BASP1: variants seen among roughly 807,000 people sequenced by gnomAD.
BASP1 encodes brain abundant membrane attached signal protein 1, also known as brain acid soluble protein 1.
A neutral mutation model predicts 2.2 loss-of-function variants in BASP1; 1 was observed. The observed-to-expected ratio is 0.46, with a 90% confidence interval of 0.16 to 2.17. The LOEUF (loss-of-function observed/expected upper bound fraction) is 2.17. BASP1 is among the 30% of genes most tolerant of loss of function. The pLI is 0.27. For synonymous variants in BASP1, 187 were observed against 154.2 expected, an observed-to-expected ratio of 1.21 and a Z score of -1.58; for missense variants, 352 against 327.2, an observed-to-expected ratio of 1.08 and a Z score of -0.58.
intron 1 of BASP1, among the ~76,000 whole-genome samples, chr5:17,271,341 T>C (rs1223614880): frequency 6.6e-6 from 1 of 152,132 alleles, no homozygotes; most frequent in Non-Finnish European, 1.5e-5. Flanking sequence ...AGGTTGATCT[T>C]GAACTCCTGA....
chr5:17,259,187 G>A (rs1420789864), intron 1 of BASP1, among the ~76,000 whole-genome samples: 1 of 152,164 alleles, frequency 6.6e-6, no homozygotes, highest in East Asian at 1.9e-4. Context: ...TTACATGGAT[G>A]GTGGCAGGCA....
intron 1 of BASP1, among the ~76,000 whole-genome samples, chr5:17,219,102 C>G (rs767621294): frequency 2.0e-5 from 3 of 152,018 alleles, no homozygotes; most frequent in Non-Finnish European, 4.4e-5. Context: ...GGACCGACCC[C>G]CCACCCCCAC....
At chr5:17,247,385 A>G (rs965461050) in intron 1 of BASP1, among the ~76,000 whole-genome samples, 7 of 152,200 alleles carry the variant, frequency 4.6e-5, no homozygotes, top group African/African-American at 9.6e-5. Flanking sequence ...TATAAAGGAC[A>G]TGGATCCTGA....
chr5:17,262,629 T>C (rs1740336216), intron 1 of BASP1, among the ~76,000 whole-genome samples: 1 of 152,258 alleles, frequency 6.6e-6, no homozygotes. Context: ...TCTCAGACTC[T>C]ACCTTCTCTA....
At chr5:17,234,553 A>G (rs1440050333) in intron 1 of BASP1, among the ~76,000 whole-genome samples, 2 of 152,220 alleles carry the variant, frequency 1.3e-5, no homozygotes, top group South Asian at 4.1e-4. Flanking sequence ...GTTTTTTTGT[A>G]TACAAATGAA....
chr5:17,276,598 TGCACCTGTAGTTCTGTTTATTGGTCA>T lies in BASP1; in HGVS notation c.*700_*725del, dbSNP rs1337220478. 2 of 149,318 alleles carry T rather than the reference TGCACCTGTAGTTCTGTTTATTGGTCA, an allele frequency of 1.3e-5. No individual in the cohort carries two copies. The highest frequency in any genetic ancestry group is 5.7e-5 in the African/African-American group (2 of 35,396). The allele number at this position is 149,318 out of a possible 1,614,324, so 9.2% of individuals were successfully genotyped here. Reference sequence around the variant, plus strand: ...GAGTTAATGCATGTCCGTGGTTGGGTGCACCTGTAGTTCTGTTTATTGGTCAGTGGAAATGAAAAAAAAAAAAAAAA... The same window carrying T: ...GAGTTAATGCATGTCCGTGGTTGGGTGTGGAAATGAAAAAAAAAAAAAAAA... On this transcript the variant is annotated 3_prime_UTR_variant, in exon 2 of 2. Transcript: ENST00000322611.
intron 1 of BASP1, among the ~76,000 whole-genome samples, chr5:17,218,704 G>C (rs528789907): frequency 6.6e-6 from 1 of 152,212 alleles, no homozygotes; most frequent in East Asian, 1.9e-4. Flanking sequence ...TGCCCAAAGC[G>C]CTAAAGCTGA....
intron 1 of BASP1, among the ~76,000 whole-genome samples, chr5:17,223,515 G>T (rs1421566447): frequency 2.0e-5 from 3 of 152,206 alleles, no homozygotes; most frequent in Admixed American, 2.0e-4. Flanking sequence ...GAAGTCTGCG[G>T]TTTAGAAAAC....
chr5:17,270,397 C>A (rs1410336455), intron 1 of BASP1, among the ~76,000 whole-genome samples: 1 of 152,270 alleles, frequency 6.6e-6, no homozygotes. Flanking sequence ...AAACTGATTT[C>A]TTGGCAGAAT....
At chr5:17,235,398 T>C (rs1035703948) in intron 1 of BASP1, among the ~76,000 whole-genome samples, 2 of 151,690 alleles carry the variant, frequency 1.3e-5, no homozygotes, top group Non-Finnish European at 2.9e-5. Flanking sequence ...GTAGCTGGGA[T>C]TACAGGTGCC....
intron 1 of BASP1, among the ~76,000 whole-genome samples, chr5:17,235,553 C>T (rs1274907124): frequency 3.3e-5 from 5 of 152,108 alleles, no homozygotes; most frequent in African/African-American, 9.7e-5. Flanking sequence ...TGAGCCACCA[C>T]GCCTGGCCTG....
At chr5:17,259,708 C>G (rs572334702) in intron 1 of BASP1, among the ~76,000 whole-genome samples, 9 of 152,264 alleles carry the variant, frequency 5.9e-5, no homozygotes, top group African/African-American at 2.2e-4. Context: ...ACAGGAACTA[C>G]TGGAAATAAA....
rs12655898 is a variant in BASP1, at chr5:17,259,402, A to G, written c.-9-15806A>G. Among the ~76,000 whole-genome samples, 369 of 152,350 alleles carry G rather than the reference A, an allele frequency of 2.4e-3. 7 individuals are homozygous for G. The East Asian group carries it at 0.05, about 21-fold the overall frequency. ...GGGGACACAGCCAAACCATATCAGC[A>G]TAGTATTCATCTTTGGATTGAATAC... On this transcript the variant is annotated intron_variant, in intron 1 of 1. Coordinates refer to ENST00000322611, the MANE Select transcript of BASP1 (RefSeq NM_006317.5).
chr5:17,258,888 G>A (rs1398691391), intron 1 of BASP1, among the ~76,000 whole-genome samples: 2 of 152,218 alleles, frequency 1.3e-5, no homozygotes, highest in Non-Finnish European at 2.9e-5. Context: ...AATTTGGGGT[G>A]AAGCATTTGC....
intron 1 of BASP1, among the ~76,000 whole-genome samples, chr5:17,273,778 C>T (rs1304303110): frequency 6.6e-6 from 1 of 152,202 alleles, no homozygotes; most frequent in Non-Finnish European, 1.5e-5. Flanking sequence ...TTCCCCCCTG[C>T]TCTTTCTAAC....
chr5:17,247,200 A>C (rs1579491671), intron 1 of BASP1, among the ~76,000 whole-genome samples: 1 of 152,314 alleles, frequency 6.6e-6, no homozygotes, highest in South Asian at 2.1e-4. Context: ...AAATAAATAA[A>C]TAAGTAGATA....
chr5:17,223,079 T>G (rs1378796009), intron 1 of BASP1, among the ~76,000 whole-genome samples: 1 of 152,058 alleles, frequency 6.6e-6, no homozygotes, highest in Non-Finnish European at 1.5e-5. Flanking sequence ...TTGGTTTGTG[T>G]TTTGAACTTC....
intron 1 of BASP1, among the ~76,000 whole-genome samples, chr5:17,253,996 T>G (rs1006927146): frequency 6.6e-6 from 1 of 152,154 alleles, no homozygotes; most frequent in African/African-American, 2.4e-5. Flanking sequence ...AGAACTTGCA[T>G]GTTGATAGCT....
chr5:17,244,093 A>G (rs558038945), intron 1 of BASP1, among the ~76,000 whole-genome samples: 21 of 152,258 alleles, frequency 1.4e-4, no homozygotes, highest in Non-Finnish European at 3.1e-4. Context: ...GATTCTATAC[A>G]TGAACATATT....
Sources: allele counts gnomAD v4.1 joint callset (sites outside exome capture counted in the v4.1 genomes callset), GRCh38; gene constraint gnomAD v4.1.1; transcripts MANE v1.5; gene names NCBI Gene and HGNC (gene_info 2026-07-23, HGNC 2026-07-21).